KDM4C: variants seen among roughly 807,000 people sequenced by gnomAD.
KDM4C encodes the protein lysine-specific demethylase 4C.
A neutral mutation model predicts 129.3 loss-of-function variants in KDM4C; 81 were observed. That is an observed-to-expected ratio of 0.63 (90% confidence interval 0.52 to 0.75). The LOEUF (loss-of-function observed/expected upper bound fraction) is 0.75. KDM4C is among the 30% of genes least tolerant of loss of function. The pLI is 0.00. For synonymous variants in KDM4C, 573 were observed against 456.1 expected (o/e 1.26, Z -3.26); for missense variants, 1,457 against 1,304.0 (o/e 1.12, Z -1.81).
At chr9:7,151,384 T>C (rs1842712464) in intron 19 of KDM4C, among the ~76,000 whole-genome samples, 1 of 150,844 alleles carries the variant, frequency 6.6e-6, no homozygotes, top group African/African-American at 2.4e-5. Flanking sequence ...AGAAAGGGTG[T>C]GTATGTGTCC....
intron 8 of KDM4C, among the ~76,000 whole-genome samples, chr9:6,939,840 G>A (rs1441015177): frequency 6.6e-6 from 1 of 152,154 alleles, no homozygotes; most frequent in African/African-American, 2.4e-5. Context: ...TATTTATATT[G>A]AATTACTCTT....
At chr9:6,797,350 C>T (rs984824719) in intron 2 of KDM4C, among the ~76,000 whole-genome samples, 7 of 152,076 alleles carry the variant, frequency 4.6e-5, no homozygotes, top group South Asian at 4.2e-4. Flanking sequence ...AGAAATTGGT[C>T]GAGTAGGTGC....
At chr9:6,731,171 G>T (rs1405588806) in intron 1 of KDM4C, among the ~76,000 whole-genome samples, 2 of 152,082 alleles carry the variant, frequency 1.3e-5, no homozygotes, top group African/African-American at 2.4e-5. Flanking sequence ...TGCAAGGTGG[G>T]AACAAGGACT....
At chr9:7,100,845 C>A (rs1450805503) in intron 17 of KDM4C, among the ~76,000 whole-genome samples, 1 of 151,288 alleles carries the variant, frequency 6.6e-6, no homozygotes, top group Non-Finnish European at 1.5e-5. Flanking sequence ...GAGAATTATT[C>A]TTACTCCTTT....
intron 17 of KDM4C, among the ~76,000 whole-genome samples, chr9:7,075,428 A>G (rs1570510): frequency 0.59 from 89,523 of 151,904 alleles, 27,210 homozygotes; most frequent in South Asian, 0.68. Context: ...TGCTTCCCTC[A>G]TGAATGGATG....
intron 1 of KDM4C, among the ~76,000 whole-genome samples, chr9:6,774,441 A>G (rs1322969802): frequency 1.3e-5 from 2 of 152,072 alleles, no homozygotes; most frequent in African/African-American, 4.8e-5. Flanking sequence ...GAGGTGTGCG[A>G]ATCACTTGAG....
chr9:7,089,046 A>G (rs1195726757), intron 17 of KDM4C, among the ~76,000 whole-genome samples: 1 of 152,228 alleles, frequency 6.6e-6, no homozygotes, highest in Non-Finnish European at 1.5e-5. Flanking sequence ...ATGAGAAAAA[A>G]AATCGAGATG....
At chr9:7,006,019 T>C (rs535600182) in intron 12 of KDM4C, among the ~76,000 whole-genome samples, 45 of 152,358 alleles carry the variant, frequency 3.0e-4, no homozygotes, top group African/African-American at 9.4e-4. Context: ...TCGTTTACAC[T>C]TTTGTATGAA....
intron 4 of KDM4C, among the ~76,000 whole-genome samples, chr9:6,846,374 G>A (rs1057173082): frequency 2.0e-5 from 3 of 152,144 alleles, no homozygotes; most frequent in Non-Finnish European, 4.4e-5. Context: ...GTGTAATGAG[G>A]TAGTATATTG....
chr9:6,997,206 G>C (rs1819922029), intron 12 of KDM4C, among the ~76,000 whole-genome samples: 1 of 152,136 alleles, frequency 6.6e-6, no homozygotes, highest in South Asian at 2.1e-4. Flanking sequence ...GAAAGTGACA[G>C]CTGATTGGTA....
chr9:6,820,222 C>G (rs1832786283), intron 4 of KDM4C, among the ~76,000 whole-genome samples: 1 of 152,126 alleles, frequency 6.6e-6, no homozygotes, highest in Admixed American at 6.5e-5. Context: ...GTAAGACTTT[C>G]TGGAGTGGGG....
At chr9:7,007,516 T>A (rs1444184443) in intron 12 of KDM4C, among the ~76,000 whole-genome samples, 3 of 152,216 alleles carry the variant, frequency 2.0e-5, no homozygotes, top group African/African-American at 7.2e-5. Flanking sequence ...GTATTTCAAG[T>A]TGATTAAGGC....
At chr9:7,081,250 A>G (rs544847299) in intron 17 of KDM4C, among the ~76,000 whole-genome samples, 1 of 152,268 alleles carries the variant, frequency 6.6e-6, no homozygotes, top group East Asian at 1.9e-4. Flanking sequence ...ACACGTAGAT[A>G]TGGGGTGGAC....
chr9:6,928,907 A>G (rs1466698932), intron 8 of KDM4C, among the ~76,000 whole-genome samples: 1 of 152,176 alleles, frequency 6.6e-6, no homozygotes, highest in Non-Finnish European at 1.5e-5. Context: ...GGGACCCTCT[A>G]CAGCTTATCT....
intron 8 of KDM4C, chr9:6,925,188 G>T (rs1420452353): frequency 5.1e-6 from 5 of 985,294 alleles, no homozygotes; most frequent in Non-Finnish European, 6.0e-6. Context: ...AACATCCAGG[G>T]CTGTCACTGT....
chr9:7,109,973 C>T (rs1838137077), intron 18 of KDM4C, among the ~76,000 whole-genome samples: 1 of 152,150 alleles, frequency 6.6e-6, no homozygotes, highest in Non-Finnish European at 1.5e-5. Context: ...CATTCTCTCT[C>T]CTGCTGTCCT....
At chr9:7,130,870 C>T (rs1840554310) in intron 19 of KDM4C, among the ~76,000 whole-genome samples, 1 of 151,726 alleles carries the variant, frequency 6.6e-6, no homozygotes, top group African/African-American at 2.4e-5. Context: ...GTGATCCTCT[C>T]GCCTCAGCCT....
At chr9:6,838,358 C>T (rs937679175) in intron 4 of KDM4C, among the ~76,000 whole-genome samples, 6 of 152,070 alleles carry the variant, frequency 3.9e-5, no homozygotes, top group South Asian at 2.1e-4. Context: ...TGCTTGTATG[C>T]GTAGACTTGA....
At chr9:7,103,948 A>T (rs1837395272) in intron 18 of KDM4C, 78 bp downstream of exon 18, 2 of 1,292,372 alleles carry the variant, frequency 1.5e-6, no homozygotes, top group Non-Finnish European at 1.1e-6. Flanking sequence ...CCCAGACATA[A>T]TGTGCTTTAT....
Sources: allele counts gnomAD v4.1 joint callset (sites outside exome capture counted in the v4.1 genomes callset), GRCh38; gene constraint gnomAD v4.1.1; transcripts MANE v1.5; gene names NCBI Gene and HGNC (gene_info 2026-07-23, HGNC 2026-07-21).